Variants in GRIK2 observed in about 807,000 individuals in gnomAD.
GRIK2 encodes glutamate ionotropic receptor kainate type subunit 2, also known as glutamate receptor ionotropic, kainate 2.
Under a neutral mutation model 100.3 loss-of-function variants are expected in GRIK2, and 32 were observed. That is an observed-to-expected ratio of 0.32 (90% CI 0.24 to 0.43). GRIK2 has a LOEUF of 0.43. Ranked by LOEUF, GRIK2 falls within the 20% of genes least tolerant of loss-of-function variation. The pLI, the probability that GRIK2 is intolerant of heterozygous loss-of-function variation, is 1.00. For synonymous variants in GRIK2, 417 were observed against 389.4 expected (o/e 1.07, Z -0.83); for missense variants, 843 against 1,114.9 (o/e 0.76, Z 3.47).
At chr6:101,513,000 ATATTAT>A (rs908734398) in intron 2 of GRIK2, among the ~76,000 whole-genome samples, 21 of 151,774 alleles carry the variant, frequency 1.4e-4, no homozygotes, top group Admixed American at 1.2e-3. Flanking sequence ...TTTCCATTAA[ATATTAT>A]TATTTTATTT....
At chr6:101,849,571 A>AT (rs1389048800) in intron 10 of GRIK2, among the ~76,000 whole-genome samples, 3 of 152,018 alleles carry the variant, frequency 2.0e-5, no homozygotes, top group Non-Finnish European at 4.4e-5. Context: ...TCCATACTCT[A>AT]TAAAAACTAG....
intron 14 of GRIK2, among the ~76,000 whole-genome samples, chr6:101,932,440 C>G (rs1310205957): frequency 6.6e-6 from 1 of 151,986 alleles, no homozygotes; most frequent in Non-Finnish European, 1.5e-5. Context: ...CCATCCACCT[C>G]TACCAACCTA....
chr6:101,601,644 C>A (rs1001886793), intron 2 of GRIK2, among the ~76,000 whole-genome samples: 1 of 151,824 alleles, frequency 6.6e-6, no homozygotes, highest in Admixed American at 6.6e-5. Flanking sequence ...TTAGTTTTTT[C>A]CTGATTCAGT....
chr6:101,570,404 G>A (rs1027545642), intron 2 of GRIK2, among the ~76,000 whole-genome samples: 4 of 151,948 alleles, frequency 2.6e-5, no homozygotes, highest in African/African-American at 9.7e-5. Flanking sequence ...GACAAATCAG[G>A]ATAAATAAAG....
intron 7 of GRIK2, among the ~76,000 whole-genome samples, chr6:101,717,070 T>A (rs1774126608): frequency 6.6e-6 from 1 of 151,866 alleles, no homozygotes; most frequent in African/African-American, 2.4e-5. Flanking sequence ...GCACTTTACT[T>A]CCATCTAATT....
chr6:101,716,046 C>G (rs1774040914), intron 7 of GRIK2, among the ~76,000 whole-genome samples: 2 of 151,902 alleles, frequency 1.3e-5, no homozygotes, highest in Non-Finnish European at 1.5e-5. Context: ...GCTTCCCCTT[C>G]TATCTTCCTT....
chr6:101,842,208 T>C (rs1318406443), intron 10 of GRIK2, among the ~76,000 whole-genome samples: 3 of 152,180 alleles, frequency 2.0e-5, no homozygotes, highest in East Asian at 3.9e-4. Flanking sequence ...ATATGTTTTT[T>C]AACATTTTCT....
chr6:101,722,299 AAAAC>A (rs1407846023), intron 7 of GRIK2, among the ~76,000 whole-genome samples: 12 of 152,030 alleles, frequency 7.9e-5, no homozygotes, highest in Non-Finnish European at 1.6e-4. Context: ...TAGTCCATTA[AAAAC>A]AAACAAACAA....
chr6:101,855,482 C>T (rs192925376), intron 10 of GRIK2, among the ~76,000 whole-genome samples: 282 of 152,098 alleles, frequency 1.9e-3, no homozygotes, highest in Admixed American at 2.7e-3. Context: ...GGTTAAATGA[C>T]GAGAAAACAA....
chr6:101,476,109 T>C (rs1486719019), intron 2 of GRIK2, among the ~76,000 whole-genome samples: 2 of 152,084 alleles, frequency 1.3e-5, no homozygotes, highest in African/African-American at 4.8e-5. Flanking sequence ...CCCATCTTTT[T>C]CTTTTATTTA....
chr6:101,958,641 A>G (rs1171925858), intron 14 of GRIK2, among the ~76,000 whole-genome samples: 1 of 152,038 alleles, frequency 6.6e-6, no homozygotes, highest in Non-Finnish European at 1.5e-5. Flanking sequence ...TTTCCTGTTT[A>G]GTATGATGTT....
At chr6:101,749,143 C>T (rs1422548561) in intron 7 of GRIK2, among the ~76,000 whole-genome samples, 2 of 152,196 alleles carry the variant, frequency 1.3e-5, no homozygotes, top group Non-Finnish European at 2.9e-5. Flanking sequence ...GAGTCTGCCT[C>T]TGTCACCCAG....
chr6:101,775,744 A>C (rs183607678), intron 7 of GRIK2, among the ~76,000 whole-genome samples: 1 of 151,562 alleles, frequency 6.6e-6, no homozygotes, highest in Non-Finnish European at 1.5e-5. Context: ...AGATTTCTTC[A>C]TATATATATG....
chr6:101,585,016 T>A (rs1324894029), intron 2 of GRIK2, among the ~76,000 whole-genome samples: 1 of 151,982 alleles, frequency 6.6e-6, no homozygotes, highest in Non-Finnish European at 1.5e-5. Flanking sequence ...TCTGAGTAAG[T>A]ACCTTTTCAT....
chr6:101,473,246 A>G (rs755297859), intron 2 of GRIK2, among the ~76,000 whole-genome samples: 17 of 149,960 alleles, frequency 1.1e-4, no homozygotes, highest in Admixed American at 2.0e-4. Context: ...AATTTAGAAT[A>G]TGGTACACTA....
intron 2 of GRIK2, among the ~76,000 whole-genome samples, chr6:101,591,793 A>T (rs906750209): frequency 6.6e-6 from 1 of 152,076 alleles, no homozygotes; most frequent in African/African-American, 2.4e-5. Flanking sequence ...GAGTCAAATG[A>T]AAAAGGGAAA....
intron 2 of GRIK2, among the ~76,000 whole-genome samples, chr6:101,419,412 G>A (rs1776309078): frequency 6.6e-6 from 1 of 152,152 alleles, no homozygotes; most frequent in African/African-American, 2.4e-5. Context: ...ACATACAAAG[G>A]TGGCTGAGGT....
At chr6:101,533,269 G>A (rs1775530005) in intron 2 of GRIK2, among the ~76,000 whole-genome samples, 1 of 151,748 alleles carries the variant, frequency 6.6e-6, no homozygotes, top group African/African-American at 2.4e-5. Context: ...TGCTTTAGTT[G>A]GATTAAGTTT....
At chr6:101,716,500 G>T (rs985760626) in intron 7 of GRIK2, among the ~76,000 whole-genome samples, 6 of 149,660 alleles carry the variant, frequency 4.0e-5, no homozygotes, top group Non-Finnish European at 8.9e-5. Flanking sequence ...CAGGTTAAAA[G>T]AATAGTTTCT....
Sources: allele counts gnomAD v4.1 joint callset (sites outside exome capture counted in the v4.1 genomes callset), GRCh38; gene constraint gnomAD v4.1.1; transcripts MANE v1.5; gene names NCBI Gene and HGNC (gene_info 2026-07-23, HGNC 2026-07-21).